FBXL13: variants seen among roughly 807,000 people sequenced by gnomAD.
FBXL13 encodes F-box and leucine-rich repeat protein 13.
Under a neutral mutation model 83.6 loss-of-function variants are expected in FBXL13, and 67 were observed. The ratio of observed to expected loss-of-function variants is 0.80; its 90% CI spans 0.66 to 0.98. FBXL13 has a LOEUF of 0.98. Among genes scored for constraint, FBXL13 ranks in the 50% least tolerant of loss-of-function variants. FBXL13 has a pLI of 0.00. For synonymous variants in FBXL13, 272 were observed against 299.5 expected, an observed-to-expected ratio of 0.91 and a Z score of 0.95; for missense variants, 822 against 866.5, an observed-to-expected ratio of 0.95 and a Z score of 0.64.
chr7:102,824,338 CA>C (rs570241410), intron 18 of FBXL13, among the ~76,000 whole-genome samples: 21 of 151,828 alleles, frequency 1.4e-4, no homozygotes, highest in Middle Eastern at 3.4e-3. Context: ...AGCACATTGC[CA>C]AAAAAATAGC....
rs186904261 is a variant in FBXL13 at position 102,970,555 on chromosome 7, G to A, written c.496-2438C>T. Among the ~76,000 whole-genome samples the A allele has an allele frequency of 1.3e-3, 193 of 152,270 alleles. 1 individual carries two copies. Among genetic ancestry groups the A allele is most frequent in the Admixed American group, 0.011 (165 of 15,304 alleles). On this transcript the variant is annotated intron_variant, in intron 6 of 19. Transcript: ENST00000313221. ...AAATATCATTCTCTCTAAAGAGACA[G>A]ACACAGTCAAGCCAGGCCTTACAGG...
chr7:102,939,787 T>C (rs575428813), intron 8 of FBXL13, among the ~76,000 whole-genome samples: 11 of 152,234 alleles, frequency 7.2e-5, no homozygotes, highest in South Asian at 4.1e-4. Context: ...TTATGAAGTA[T>C]GTAATACCAC....
chr7:102,938,580 A>C (rs972224039), intron 8 of FBXL13, among the ~76,000 whole-genome samples: 2 of 152,208 alleles, frequency 1.3e-5, no homozygotes, highest in East Asian at 3.8e-4. Context: ...TTTACCAAGA[A>C]TTTGGGGTAG....
intron 16 of FBXL13, among the ~76,000 whole-genome samples, chr7:102,875,521 G>A (rs760344017): frequency 6.6e-6 from 1 of 152,040 alleles, no homozygotes; most frequent in Non-Finnish European, 1.5e-5. Context: ...TAGGCTTGGG[G>A]GCCTAAGTAG....
At chr7:103,016,506 G>A (rs547366422) in intron 6 of FBXL13, among the ~76,000 whole-genome samples, 39 of 152,170 alleles carry the variant, frequency 2.6e-4, no homozygotes, top group African/African-American at 9.2e-4. Context: ...CCCACCGAGC[G>A]AGAGCCGAAG....
intron 8 of FBXL13, chr7:102,944,740 T>C (rs917217476): frequency 3.9e-6 from 3 of 770,392 alleles, no homozygotes. Flanking sequence ...TCTTTAATTA[T>C]AAGTATTATT....
intron 1 of FBXL13, among the ~76,000 whole-genome samples, chr7:103,068,136 G>A (rs534085794): frequency 1.3e-4 from 20 of 152,230 alleles, no homozygotes; most frequent in Non-Finnish European, 2.5e-4. Flanking sequence ...TGGAAGAAAG[G>A]TCAAGGATGT....
intron 1 of FBXL13, among the ~76,000 whole-genome samples, chr7:103,072,630 C>T (rs1220741265): frequency 6.6e-6 from 1 of 152,190 alleles, no homozygotes; most frequent in Non-Finnish European, 1.5e-5. Flanking sequence ...CGCCATATCA[C>T]AGACTGAGCC....
intron 18 of FBXL13, among the ~76,000 whole-genome samples, chr7:102,828,135 T>C (rs1584472812): frequency 6.6e-6 from 1 of 152,200 alleles, no homozygotes; most frequent in African/African-American, 2.4e-5. Flanking sequence ...AATTGGTAGC[T>C]TGATGGGGAT....
chr7:102,823,573 G>A (rs1358081178), intron 18 of FBXL13, among the ~76,000 whole-genome samples: 1 of 152,182 alleles, frequency 6.6e-6, no homozygotes, highest in South Asian at 2.1e-4. Flanking sequence ...ATACTACTTA[G>A]AGTATTTCAC....
At chr7:102,947,847 T>G (rs1220773450) in intron 8 of FBXL13, among the ~76,000 whole-genome samples, 1 of 152,092 alleles carries the variant, frequency 6.6e-6, no homozygotes, top group Non-Finnish European at 1.5e-5. Flanking sequence ...GTAAACAAGA[T>G]TTACTATAAA....
At chr7:102,884,234 G>C in exon 12 of FBXL13, 3 of 1,613,458 alleles carry the variant, frequency 1.9e-6, no homozygotes, top group Non-Finnish European at 2.5e-6. Context: ...TTGTCCGTCA[G>C]AGTTGGCATG....
chr7:103,045,694 T>G (rs1796202483), intron 2 of FBXL13, among the ~76,000 whole-genome samples: 1 of 152,244 alleles, frequency 6.6e-6, no homozygotes, highest in Non-Finnish European at 1.5e-5. Context: ...TGACCCCATT[T>G]TAGTTTGGTT....
intron 6 of FBXL13, 30 bp downstream of exon 7, chr7:103,025,033 G>C: frequency 6.5e-7 from 1 of 1,548,126 alleles, no homozygotes; most frequent in African/African-American, 1.4e-5. Context: ...GCAGATTATA[G>C]TATATAATGT....
intron 11 of FBXL13, among the ~76,000 whole-genome samples, chr7:102,901,530 C>A (rs762449483): frequency 1.3e-5 from 2 of 152,114 alleles, no homozygotes; most frequent in Non-Finnish European, 2.9e-5. Flanking sequence ...AACCCATTAA[C>A]CATTTCCACC....
chr7:102,907,274 G>C (rs1011750593), intron 11 of FBXL13, among the ~76,000 whole-genome samples: 1 of 152,004 alleles, frequency 6.6e-6, no homozygotes, highest in Non-Finnish European at 1.5e-5. Flanking sequence ...TTGCCCTTTT[G>C]AAATTATTTT....
Position 102,913,328 on chromosome 7 carries a change from G to A in FBXL13, c.879-113C>T, listed in dbSNP as rs373644482. 8.3e-6 allele frequency: 11 copies of A among 1,322,268 alleles called. 1 individual carries two copies. The highest frequency in any genetic ancestry group is 2.2e-4 in the Middle Eastern group (1 of 4,592). The allele number at this position is 1,322,268 out of a possible 1,614,324, so 81.9% of individuals were successfully genotyped here. ...AAATTCAACTCTTCTTCTTGCAGATGTTCAACATTTAACTTTACTGTTAAC... is the reference window on the plus strand; with the variant it reads ...AAATTCAACTCTTCTTCTTGCAGATATTCAACATTTAACTTTACTGTTAAC... On this transcript the variant is annotated intron_variant, in intron 10 of 19. Transcript: ENST00000313221.
chr7:102,948,816 A>G (rs1822958415), intron 8 of FBXL13, among the ~76,000 whole-genome samples: 1 of 152,092 alleles, frequency 6.6e-6, no homozygotes, highest in South Asian at 2.1e-4. Flanking sequence ...GGTTCAAGCA[A>G]TTCTCGTGCC....
At chr7:103,020,199 T>C (rs1792966394) in intron 6 of FBXL13, among the ~76,000 whole-genome samples, 1 of 152,110 alleles carries the variant, frequency 6.6e-6, no homozygotes, top group African/African-American at 2.4e-5. Flanking sequence ...TAGTCCAGCA[T>C]ATAAACAGAA....
Sources: allele counts gnomAD v4.1 joint callset (sites outside exome capture counted in the v4.1 genomes callset), GRCh38; gene constraint gnomAD v4.1.1; transcripts MANE v1.5; gene names NCBI Gene and HGNC (gene_info 2026-07-23, HGNC 2026-07-21).